Variants in XKR4 observed in about 807,000 individuals in gnomAD.
XKR4 encodes the protein XK related 4, also known as XK-related protein 4.
In XKR4, 12 loss-of-function variants were observed where a neutral mutation model predicts 53.9. That is an observed-to-expected ratio of 0.22 (90% CI 0.14 to 0.36). The LOEUF (loss-of-function observed/expected upper bound fraction) is 0.36, where lower values mean the gene tolerates loss of function less well. XKR4 is among the 10% of genes least tolerant of loss of function. XKR4 has a pLI of 1.00. For missense variants in XKR4, 799 were observed against 859.5 expected, an observed-to-expected ratio of 0.93 and a Z score of 0.88; for synonymous variants, 354 against 362.4, an observed-to-expected ratio of 0.98 and a Z score of 0.26.
rs1304647603 is a variant in XKR4, at chr8:55,540,639, C to A, written c.*16412C>A. The A allele has an allele frequency of 1.3e-5, 2 of 152,182 alleles. No individual in the cohort carries two copies. Among genetic ancestry groups the A allele is most frequent in the Non-Finnish European group, 2.9e-5 (2 of 68,024 alleles). The allele number at this position is 152,182 out of a possible 1,614,324, so 9.4% of individuals were successfully genotyped here. A position where few individuals can be genotyped will look rare whatever the true frequency, so the allele number is the denominator to read the frequency against. ...TTTCCCATTCTCAGAACAAAGACAGCAACCAATGAGCCAGAGGTTTCTTCT... is the reference window on the plus strand; with the variant it reads ...TTTCCCATTCTCAGAACAAAGACAGAAACCAATGAGCCAGAGGTTTCTTCT... On this transcript the variant is annotated 3_prime_UTR_variant, in exon 3 of 3. Transcript: ENST00000327381.
intron 2 of XKR4, among the ~76,000 whole-genome samples, chr8:55,407,362 A>G (rs531160407): frequency 5.3e-5 from 8 of 152,220 alleles, no homozygotes; most frequent in Non-Finnish European, 1.0e-4. Flanking sequence ...AACTCCAGGC[A>G]TTTGATTATG....
intron 1 of XKR4, among the ~76,000 whole-genome samples, chr8:55,205,902 CTTCAGATG>C (rs2129362862): frequency 6.6e-6 from 1 of 152,234 alleles, no homozygotes; most frequent in South Asian, 2.1e-4. Context: ...GAGTTTGTTC[CTTCAGATG>C]TTCAGATGTG....
chr8:55,386,671 G>T (rs182170040), intron 2 of XKR4, among the ~76,000 whole-genome samples: 1 of 152,332 alleles, frequency 6.6e-6, no homozygotes, highest in African/African-American at 2.4e-5. Flanking sequence ...GCGAAGAGGA[G>T]ATAAGTCTGC....
intron 2 of XKR4, among the ~76,000 whole-genome samples, chr8:55,516,379 G>C (rs911778655): frequency 6.6e-6 from 1 of 152,118 alleles, no homozygotes; most frequent in Non-Finnish European, 1.5e-5. Context: ...GTAATGAATG[G>C]TCATGTGATC....
At position 55,477,513 on chromosome 8, in the gene XKR4, A is replaced by T. The variant is rs566553518; in HGVS notation, c.1007-45768A>T. Among the ~76,000 whole-genome samples, 136 of 152,336 alleles carry T rather than the reference A, an allele frequency of 8.9e-4. 2 individuals carry two copies. Among genetic ancestry groups the T allele is most frequent in the African/African-American group, 3.2e-3 (135 of 41,556 alleles). The stretch of plus-strand genomic sequence containing the variant: ...AAGCAGAGCGCCTCTCTTCCTCCAA[A>T]GGAATGCAGCTCCTCACTAGCAATG... On this transcript the variant is annotated intron_variant, in intron 2 of 2. Coordinates refer to ENST00000327381, the MANE Select transcript of XKR4 (RefSeq NM_052898.2).
intron 1 of XKR4, among the ~76,000 whole-genome samples, chr8:55,268,623 A>T (rs964275791): frequency 6.6e-6 from 1 of 152,222 alleles, no homozygotes; most frequent in African/African-American, 2.4e-5. Flanking sequence ...CCTTCAAAAA[A>T]GATAGTTAGG....
chr8:55,249,163 A>G (rs1331866935), intron 1 of XKR4, among the ~76,000 whole-genome samples: 1 of 152,190 alleles, frequency 6.6e-6, no homozygotes, highest in Non-Finnish European at 1.5e-5. Flanking sequence ...ACTTAAGCAA[A>G]AAAAGATCAT....
chr8:55,487,500 C>G (rs1364436082), intron 2 of XKR4, among the ~76,000 whole-genome samples: 2 of 149,456 alleles, frequency 1.3e-5, no homozygotes, highest in Non-Finnish European at 3.0e-5. Flanking sequence ...GAGTCTTACT[C>G]TGTCACCCAG....
chr8:55,452,414 T>C, intron 2 of XKR4: 1 of 626,486 alleles, frequency 1.6e-6, no homozygotes, highest in Admixed American at 2.5e-5. Context: ...CGCCCTCAGC[T>C]GGGAGCAGTG....
intron 2 of XKR4, among the ~76,000 whole-genome samples, chr8:55,435,494 A>G (rs570621208): frequency 9.9e-5 from 15 of 152,074 alleles, no homozygotes; most frequent in Non-Finnish European, 2.1e-4. Flanking sequence ...CACCCTTTTT[A>G]TAGCTTTTTA....
chr8:55,386,062 G>T (rs981832011), intron 2 of XKR4, among the ~76,000 whole-genome samples: 1 of 152,198 alleles, frequency 6.6e-6, no homozygotes, highest in Non-Finnish European at 1.5e-5. Context: ...CCTGTGAAAT[G>T]GAATACACCT....
At chr8:55,381,556 AG>A (rs1488731222) in intron 2 of XKR4, among the ~76,000 whole-genome samples, 1 of 152,210 alleles carries the variant, frequency 6.6e-6, no homozygotes, top group East Asian at 1.9e-4. Flanking sequence ...GGGGAGGAGA[AG>A]GGTGTCCCAG....
chr8:55,109,937 A>G (rs891277457), intron 1 of XKR4, among the ~76,000 whole-genome samples: 2 of 152,294 alleles, frequency 1.3e-5, no homozygotes, highest in Non-Finnish European at 2.9e-5. Context: ...GATATAGTCC[A>G]CCTATGAATT....
At chr8:55,406,007 T>C (rs979280052) in intron 2 of XKR4, among the ~76,000 whole-genome samples, 2 of 152,168 alleles carry the variant, frequency 1.3e-5, no homozygotes, top group African/African-American at 4.8e-5. Flanking sequence ...CACATGTAGA[T>C]TTTATAGTCT....
chr8:55,303,874 T>C (rs1819247575), intron 1 of XKR4, among the ~76,000 whole-genome samples: 1 of 152,214 alleles, frequency 6.6e-6, no homozygotes, highest in Non-Finnish European at 1.5e-5. Context: ...TGCATCTATT[T>C]GATTCTTCTC....
chr8:55,402,299 G>A (rs895147299), intron 2 of XKR4, among the ~76,000 whole-genome samples: 1 of 152,220 alleles, frequency 6.6e-6, no homozygotes, highest in Non-Finnish European at 1.5e-5. Flanking sequence ...AGCCCTGGCT[G>A]TGTTTGCTCT....
chr8:55,425,928 C>T (rs992219138), intron 2 of XKR4, among the ~76,000 whole-genome samples: 12 of 152,156 alleles, frequency 7.9e-5, no homozygotes, highest in African/African-American at 2.9e-4. Flanking sequence ...AGCGGCTTTC[C>T]TTTTTCACTC....
chr8:55,272,979 A>G (rs972044106), intron 1 of XKR4: 1 of 436,120 alleles, frequency 2.3e-6, no homozygotes, highest in Non-Finnish European at 4.5e-6. Flanking sequence ...TGAATTTTCA[A>G]CAAAAGTGTC....
intron 1 of XKR4, among the ~76,000 whole-genome samples, chr8:55,321,933 G>A (rs62519092): frequency 0.046 from 7,010 of 152,292 alleles, 229 homozygotes; most frequent in Middle Eastern, 0.092. Flanking sequence ...AGGTTGCAGC[G>A]AGCCGAGATC....
Sources: allele counts gnomAD v4.1 joint callset (sites outside exome capture counted in the v4.1 genomes callset), GRCh38; gene constraint gnomAD v4.1.1; transcripts MANE v1.5; gene names NCBI Gene and HGNC (gene_info 2026-07-23, HGNC 2026-07-21).